The following FBLN7 variants were observed in gnomAD, a reference collection of about 807,000 sequenced individuals.
FBLN7 encodes fibulin-7.
FBLN7 carries 31 observed loss-of-function variants against 44.0 expected under a neutral mutation model. The observed-to-expected ratio is 0.70, with a 90% CI of 0.53 to 0.95. The LOEUF is 0.95. FBLN7 is among the 40% of genes least tolerant of loss of function. The pLI is 0.00. For missense variants in FBLN7, 573 were observed against 618.5 expected, an observed-to-expected ratio of 0.93 and a Z score of 0.78; for synonymous variants, 262 against 253.4, an observed-to-expected ratio of 1.03 and a Z score of -0.32.
chr2:112,241,612 C>A, the FBLN7 span, among the ~76,000 whole-genome samples: 1 of 152,140 alleles, frequency 6.6e-6, no homozygotes, highest in Non-Finnish European at 1.5e-5. Flanking sequence ...CCGTTTTGAA[C>A]ATAGGAAACA....
At chr2:112,169,530 G>C (rs576971924) in intron 3 of FBLN7, among the ~76,000 whole-genome samples, 1 of 152,180 alleles carries the variant, frequency 6.6e-6, no homozygotes, top group Admixed American at 6.5e-5. Flanking sequence ...TATAAATACC[G>C]TTGTCACTTA....
intron 2 of FBLN7, among the ~76,000 whole-genome samples, chr2:112,163,098 CA>C (rs1396066258): frequency 6.6e-6 from 1 of 152,186 alleles, no homozygotes; most frequent in Non-Finnish European, 1.5e-5. Context: ...CCCCAATCAC[CA>C]AAGGCCACCG....
rs570292101 is a variant in FBLN7 at position 112,181,861 on chromosome 2, G to A, written c.655G>A (p.Asp219Asn). Residue 219 changes from aspartate to asparagine, a missense_variant, in exon 5 of 8, where the codon GAC (aspartate) becomes AAC (asparagine). By Grantham distance (23) the Asp-to-Asn change is conservative. Transcript: ENST00000331203. ...AGFHLSGAAGDSVCQDVNECE... is the reference protein window; with the variant it reads ...AGFHLSGAAGNSVCQDVNECE... Reference sequence around the variant, plus strand: ...ATTCCACCTGAGCGGCGCCGCCGGCGACAGCGTCTGCCAGGGTAGGCGCGG... The same window carrying A: ...ATTCCACCTGAGCGGCGCCGCCGGCAACAGCGTCTGCCAGGGTAGGCGCGG... 2 of 1,529,884 alleles carry A rather than the reference G, an allele frequency of 1.3e-6. No homozygotes were observed. Among genetic ancestry groups the A allele is most frequent in the Admixed American group, 4.0e-5 (2 of 50,182 alleles). 94.8% of individuals were successfully genotyped at this position (1,529,884 alleles called of 1,614,324 possible).
chr2:112,192,804 T>A (rs1235882239), downstream of FBLN7, among the ~76,000 whole-genome samples: 1 of 152,156 alleles, frequency 6.6e-6, no homozygotes, highest in Admixed American at 6.5e-5. Context: ...CATATGAAAA[T>A]CTCTAAGTGT....
intron 7 of FBLN7, among the ~76,000 whole-genome samples, chr2:112,186,472 T>C (rs1017304791): frequency 5.4e-4 from 82 of 152,120 alleles, no homozygotes; most frequent in Middle Eastern, 3.4e-3. Flanking sequence ...AAACCCCGTC[T>C]CTACTAAAAA....
the FBLN7 span, chr2:112,216,554 A>G: frequency 6.6e-6 from 1 of 152,226 alleles, no homozygotes; most frequent in African/African-American, 2.4e-5. Context: ...TCATCTCCCA[A>G]AACAACAACA....
At chr2:112,220,037 G>C in the FBLN7 span, among the ~76,000 whole-genome samples, 1 of 152,088 alleles carries the variant, frequency 6.6e-6, no homozygotes, top group Non-Finnish European at 1.5e-5. Flanking sequence ...TGAGCCTAAG[G>C]GCGTCATTGC....
chr2:112,191,229 G>T (rs998421239), downstream of FBLN7, among the ~76,000 whole-genome samples: 1 of 152,122 alleles, frequency 6.6e-6, no homozygotes, highest in Non-Finnish European at 1.5e-5. Flanking sequence ...AGGCTGGAGT[G>T]CAGTGGTGCA....
chr2:112,236,495 TG>T, the FBLN7 span: 8 of 1,572,820 alleles, frequency 5.1e-6, no homozygotes, highest in Non-Finnish European at 6.9e-6. Context: ...TTCTTGTCAC[TG>T]AAGTATAAGA....
At chr2:112,230,540 G>A in the FBLN7 span, among the ~76,000 whole-genome samples, 26 of 152,216 alleles carry the variant, frequency 1.7e-4, 1 homozygote, top group African/African-American at 5.1e-4. Context: ...GCATCTACAC[G>A]AATGAATAAT....
intron 4 of FBLN7, 32 bp from the exon 5 acceptor site, chr2:112,181,707 G>A: frequency 1.0e-5 from 14 of 1,354,294 alleles, no homozygotes; most frequent in Non-Finnish European, 1.3e-5. Context: ...GGTGCGCCAG[G>A]GCCCGGCACT....
At chr2:112,170,296 G>T (rs1174931584) in intron 3 of FBLN7, among the ~76,000 whole-genome samples, 2 of 151,374 alleles carry the variant, frequency 1.3e-5, no homozygotes, top group African/African-American at 4.9e-5. Context: ...AAAAGAAAAG[G>T]TGAGTGGATC....
intron 6 of FBLN7, among the ~76,000 whole-genome samples, chr2:112,184,705 AATATGGTATATGTATATATATGT>A (rs1683165905): frequency 2.7e-5 from 1 of 36,816 alleles, no homozygotes; most frequent in Non-Finnish European, 5.2e-5. Flanking sequence ...TATATATATG[AATATGGTATATGTATATATATGT>A]ATATGGTATA....
chr2:112,166,940 A>G (rs1272718422), intron 3 of FBLN7, among the ~76,000 whole-genome samples: 1 of 152,092 alleles, frequency 6.6e-6, no homozygotes, highest in Non-Finnish European at 1.5e-5. Flanking sequence ...CGGCCACCAC[A>G]AACAATGTTG....
chr2:112,181,743 C>G lies in FBLN7; in HGVS notation c.537C>G (p.Ala179=), dbSNP rs1391244237. Reference sequence around the variant, plus strand: ...GAGCGTGTCTTCTCCCCGCAGCCGCCCCCGAGGGCAGCGTGGCCGGCGACT... The same window carrying G: ...GAGCGTGTCTTCTCCCCGCAGCCGCGCCCGAGGGCAGCGTGGCCGGCGACT... ...NRCQHQAQTA[A]PEGSVAGDSA... The change falls in exon 5 of 8, where the codon GCC becomes GCG. Residue 179 remains alanine (A), a synonymous_variant. Transcript: ENST00000331203. 2.2e-6 allele frequency: 3 copies of G among 1,387,680 alleles called. No homozygotes were observed. In the African/African-American group the frequency reaches 4.6e-5, roughly 21 times the overall value. The allele number at this position is 1,387,680 out of a possible 1,614,324, so 86.0% of individuals were successfully genotyped here. A position where few individuals can be genotyped will look rare whatever the true frequency, so the allele number is the denominator to read the frequency against.
the FBLN7 span, among the ~76,000 whole-genome samples, chr2:112,217,447 T>G: frequency 2.0e-5 from 3 of 152,228 alleles, no homozygotes; most frequent in Non-Finnish European, 4.4e-5. Context: ...CAGTATAAAA[T>G]GTGAAACCAC....
chr2:112,217,487 A>G, the FBLN7 span, among the ~76,000 whole-genome samples: 1 of 152,270 alleles, frequency 6.6e-6, no homozygotes, highest in Non-Finnish European at 1.5e-5. Flanking sequence ...TGTTACATTA[A>G]AATCCATTGG....
At chr2:112,194,264 C>T in the FBLN7 span, among the ~76,000 whole-genome samples, 2 of 152,140 alleles carry the variant, frequency 1.3e-5, no homozygotes, top group African/African-American at 4.8e-5. Context: ...TTATGCAGCT[C>T]GTAAACACTT....
At chr2:112,226,589 C>CAAAAAAAAAAAAAAAA in the FBLN7 span, among the ~76,000 whole-genome samples, 7 of 74,190 alleles carry the variant, frequency 9.4e-5, no homozygotes, top group African/African-American at 1.2e-4. Flanking sequence ...GACTCCATCT[C>CAAAAAAAAAAAAAAAA]AAAAAAAAAA....
Sources: gnomAD v4.1 joint callset for allele counts (sites outside exome capture counted in the v4.1 genomes callset) on GRCh38, gnomAD v4.1.1 for gene constraint, MANE v1.5 for transcripts, NCBI Gene and HGNC (gene_info 2026-07-23, HGNC 2026-07-21) for gene names.